Variants in SLC26A7 observed in about 807,000 individuals in gnomAD.
SLC26A7 encodes anion exchange transporter.
In SLC26A7, 59 loss-of-function variants were observed where a neutral mutation model predicts 82.5. That is an observed-to-expected ratio of 0.72 (90% CI 0.58 to 0.89). The LOEUF is 0.89. SLC26A7 is among the 40% of genes least tolerant of loss of function. SLC26A7 has a pLI of 0.00. For missense variants in SLC26A7, 820 were observed against 793.0 expected, an observed-to-expected ratio of 1.03 and a Z score of -0.41; for synonymous variants, 271 against 274.3, an observed-to-expected ratio of 0.99 and a Z score of 0.12.
intron 4 of SLC26A7, among the ~76,000 whole-genome samples, chr8:91,302,975 G>A (rs1812209678): frequency 6.6e-6 from 1 of 151,998 alleles, no homozygotes; most frequent in Non-Finnish European, 1.5e-5. Context: ...TGAATTGACT[G>A]GTATGATAAT....
intron 15 of SLC26A7, among the ~76,000 whole-genome samples, chr8:91,379,118 A>G (rs1257359571): frequency 6.6e-6 from 1 of 152,180 alleles, no homozygotes; most frequent in Non-Finnish European, 1.5e-5. Flanking sequence ...CCTACACAGG[A>G]TGAAGGTGTA....
intron 15 of SLC26A7, among the ~76,000 whole-genome samples, chr8:91,378,293 A>G (rs1814572112): frequency 6.6e-6 from 1 of 150,488 alleles, no homozygotes; most frequent in South Asian, 2.1e-4. Context: ...TATAATATTA[A>G]CATCACTCCT....
At chr8:91,237,168 A>G (rs940030383) in intron 2 of SLC26A7, among the ~76,000 whole-genome samples, 6 of 152,212 alleles carry the variant, frequency 3.9e-5, no homozygotes, top group Non-Finnish European at 8.8e-5. Context: ...CACTACACCA[A>G]AATCCACAGG....
At chr8:91,245,498 A>G (rs945058022), upstream of SLC26A7, among the ~76,000 whole-genome samples, 6 of 152,136 alleles carry the variant, frequency 3.9e-5, no homozygotes, top group Non-Finnish European at 8.8e-5. Flanking sequence ...CTTCCTTAGT[A>G]TCAGCCTTCG....
intron 14 of SLC26A7, among the ~76,000 whole-genome samples, chr8:91,367,285 G>C (rs1814223409): frequency 6.6e-6 from 1 of 152,176 alleles, no homozygotes; most frequent in African/African-American, 2.4e-5. Context: ...TGGGATTACA[G>C]GCGTGAGCCA....
chr8:91,332,431 ATATT>A (rs1428738880), intron 5 of SLC26A7, among the ~76,000 whole-genome samples: 8 of 143,512 alleles, frequency 5.6e-5, no homozygotes, highest in Non-Finnish European at 9.1e-5. Context: ...TAATCAATAT[ATATT>A]TAATTAATAT....
intron 4 of SLC26A7, among the ~76,000 whole-genome samples, chr8:91,298,644 A>G (rs1049097957): frequency 3.2e-4 from 49 of 152,166 alleles, no homozygotes; most frequent in African/African-American, 1.1e-3. Context: ...AAACCAAGAA[A>G]CATAATGCTA....
intron 9 of SLC26A7, among the ~76,000 whole-genome samples, chr8:91,345,852 ACCTTT>A (rs1181583116): frequency 1.3e-5 from 2 of 152,144 alleles, no homozygotes; most frequent in Non-Finnish European, 2.9e-5. Flanking sequence ...CATCTTTGTA[ACCTTT>A]AATATCGAGT....
At chr8:91,269,340 T>C (rs973593230) in intron 2 of SLC26A7, among the ~76,000 whole-genome samples, 2 of 152,114 alleles carry the variant, frequency 1.3e-5, no homozygotes, top group African/African-American at 4.8e-5. Flanking sequence ...CATTTGAAGG[T>C]TAACTTCGCT....
chr8:91,265,000 T>C (rs1351089901), intron 2 of SLC26A7, among the ~76,000 whole-genome samples: 1 of 152,000 alleles, frequency 6.6e-6, no homozygotes, highest in East Asian at 1.9e-4. Flanking sequence ...CCTATCTAAC[T>C]GTAACTTTGT....
At chr8:91,285,348 G>A (rs764150214) in intron 2 of SLC26A7, among the ~76,000 whole-genome samples, 24 of 152,122 alleles carry the variant, frequency 1.6e-4, no homozygotes, top group Non-Finnish European at 3.2e-4. Flanking sequence ...TCTTCACATG[G>A]CGTTCACACG....
At position 91,395,795 on chromosome 8, in the gene SLC26A7, G is replaced by A. The variant is rs1808551999; in HGVS notation, c.*698G>A. Reference sequence around the variant, plus strand: ...TGCTGTGAATATTGGAAATGCTTAGGATCTTCAGACCCAATAGCTCTAATT... The same window carrying A: ...TGCTGTGAATATTGGAAATGCTTAGAATCTTCAGACCCAATAGCTCTAATT... On this transcript the variant is annotated 3_prime_UTR_variant, in exon 19 of 19. Coordinates refer to ENST00000276609, the MANE Select transcript of SLC26A7 (RefSeq NM_052832.4). 6.6e-6 allele frequency: 1 copy of A among 152,016 alleles called. No individual in the cohort carries two copies. The highest frequency in any genetic ancestry group is 2.4e-5 in the African/African-American group (1 of 41,412). The allele number at this position is 152,016 out of a possible 1,614,324, so 9.4% of individuals were successfully genotyped here.
chr8:91,326,258 G>C (rs976452935), intron 5 of SLC26A7, among the ~76,000 whole-genome samples: 3 of 152,128 alleles, frequency 2.0e-5, no homozygotes, highest in Non-Finnish European at 4.4e-5. Context: ...CTCTCTATTA[G>C]CTTCCTAGGG....
intron 9 of SLC26A7, chr8:91,344,059 A>G (rs1479223237): frequency 2.0e-6 from 2 of 984,934 alleles, no homozygotes; most frequent in Non-Finnish European, 2.4e-6. Flanking sequence ...AATGATGAAG[A>G]TGTTGCTATT....
intron 4 of SLC26A7, among the ~76,000 whole-genome samples, chr8:91,313,787 G>T (rs1586397566): frequency 1.3e-5 from 2 of 152,246 alleles, no homozygotes; most frequent in South Asian, 4.1e-4. Flanking sequence ...AATATTAATT[G>T]AATGGAACAA....
intron 2 of SLC26A7, among the ~76,000 whole-genome samples, chr8:91,237,725 C>G (rs550107193): frequency 1.3e-5 from 2 of 152,138 alleles, no homozygotes; most frequent in African/African-American, 2.4e-5. Context: ...AACTCATATC[C>G]CCTATTTCCT....
chr8:91,271,987 G>A (rs552808901), intron 2 of SLC26A7, among the ~76,000 whole-genome samples: 2 of 152,270 alleles, frequency 1.3e-5, no homozygotes, highest in East Asian at 1.9e-4. Flanking sequence ...GGGTGTTCAT[G>A]GGGAAAGAGT....
At chr8:91,246,809 C>G (rs914575466), upstream of SLC26A7, among the ~76,000 whole-genome samples, 5 of 152,100 alleles carry the variant, frequency 3.3e-5, no homozygotes, top group East Asian at 9.6e-4. Flanking sequence ...TTTTTCCCCG[C>G]AAAGGGAATG....
In SLC26A7 at chr8:91,397,565, A is replaced by T. The variant is rs1456614479; in HGVS notation, c.*2468A>T. 5 of 152,596 alleles carry T rather than the reference A, an allele frequency of 3.3e-5. No homozygotes were observed. Among genetic ancestry groups the T allele is most frequent in the African/African-American group, 1.2e-4 (5 of 41,456 alleles). The allele number at this position is 152,596 out of a possible 1,614,324, so 9.5% of individuals were successfully genotyped here. On this transcript the variant is annotated 3_prime_UTR_variant, in exon 19 of 19. Coordinates refer to ENST00000276609, the MANE Select transcript of SLC26A7 (RefSeq NM_052832.4). ...GACATATATAAATTAAGCATAAAAT[A>T]TGTAACCAGGAAAAGACTGTTAACA...
Sources: gnomAD v4.1 joint callset for allele counts (sites outside exome capture counted in the v4.1 genomes callset) on GRCh38, gnomAD v4.1.1 for gene constraint, MANE v1.5 for transcripts, NCBI Gene and HGNC (gene_info 2026-07-23, HGNC 2026-07-21) for gene names.